INO80E: variants seen among roughly 807,000 people sequenced by gnomAD.
INO80E encodes INO80 complex subunit E.
A neutral mutation model predicts 27.3 loss-of-function variants in INO80E; 20 were observed. The observed-to-expected ratio is 0.73, with a 90% CI of 0.51 to 1.06. INO80E has a LOEUF of 1.06. INO80E is among the 50% of genes least tolerant of loss of function. INO80E has a pLI of 0.00. For synonymous variants in INO80E, 167 were observed against 145.9 expected, an observed-to-expected ratio of 1.14 and a Z score of -1.04; for missense variants, 357 against 322.8, an observed-to-expected ratio of 1.11 and a Z score of -0.81.
rs747629099 is a variant in INO80E at position 30,005,435 on chromosome 16, C to A, written c.728C>A (p.Pro243Gln). The change falls in exon 7 of 7, where the codon CCG becomes CAG. Residue 243 changes from proline to glutamine, a missense_variant. By Grantham distance (76) the Pro-to-Gln change is moderately conservative. Coordinates refer to ENST00000563197, the MANE Select transcript of INO80E (RefSeq NM_173618.3). ...DGDDDLVIDI[P>Q]E is the part of the protein sequence containing the mutation. The stretch of plus-strand genomic sequence containing the variant: ...GACGATGACCTGGTGATCGACATCC[C>A]GGAGTGACCGTGACATCACGCCATG... 2 of 1,597,166 alleles carry A rather than the reference C, an allele frequency of 1.3e-6. No individual in the cohort carries two copies. Among genetic ancestry groups the A allele is most frequent in the East Asian group, 2.3e-5 (1 of 43,544 alleles).
Position 29,996,305 on chromosome 16 carries a change from C to T in INO80E, c.-6C>T. The stretch of plus-strand genomic sequence containing the variant: ...GCAGACTCTGGGCGCCACTCCCGGG[C>T]CGGTCATGAACGGGCCGGCGGACGG... On this transcript the variant is annotated 5_prime_UTR_variant, in exon 1 of 7. Transcript: ENST00000563197. 1 of 1,589,966 alleles carries T rather than the reference C, an allele frequency of 6.3e-7. No individual in the cohort carries two copies. The highest frequency in any genetic ancestry group is 8.6e-7 in the Non-Finnish European group (1 of 1,168,282).
rs1281122236 is a variant in INO80E at position 30,001,054 on chromosome 16, A to G, written c.396+14A>G. 1 of 1,533,488 alleles carries G rather than the reference A, an allele frequency of 6.5e-7. No homozygotes were observed. The allele number at this position is 1,533,488 out of a possible 1,614,324, so 95.0% of individuals were successfully genotyped here. A position where few individuals can be genotyped will look rare whatever the true frequency, so the allele number is the denominator to read the frequency against. On this transcript the variant is annotated intron_variant, in intron 5 of 6. Coordinates refer to ENST00000563197, the MANE Select transcript of INO80E (RefSeq NM_173618.3). Reference sequence around the variant, plus strand: ...TACCTGAGCTCGGTGAGTTGGGGTCAGGGATGGGAAGTGCTTGGGAGTAAG... The same window carrying G: ...TACCTGAGCTCGGTGAGTTGGGGTCGGGGATGGGAAGTGCTTGGGAGTAAG...
chr16:30,001,164 G>T, intron 5 of INO80E, 124 bp downstream of exon 5: 1 of 1,471,818 alleles, frequency 6.8e-7, no homozygotes, highest in Non-Finnish European at 9.0e-7. Flanking sequence ...TGGCCCAAGT[G>T]TCCCGTGGAG....
At position 30,005,631 on chromosome 16, in the gene INO80E, C is replaced by T. The variant is rs2070551663; in HGVS notation, c.*189C>T. ...GGGTGGCAGGGGCCCTGCCTTCAAACCCCGGCCCCCTCCAGGGGACAGTTA... is the reference window on the plus strand; with the variant it reads ...GGGTGGCAGGGGCCCTGCCTTCAAATCCCGGCCCCCTCCAGGGGACAGTTA... On this transcript the variant is annotated 3_prime_UTR_variant, in exon 7 of 7. Transcript: ENST00000563197. 3.2e-6 allele frequency: 2 copies of T among 617,138 alleles called. No homozygotes were observed. The highest frequency in any genetic ancestry group is 2.0e-5 in the South Asian group (1 of 50,412). 38.2% of individuals were successfully genotyped at this position (617,138 alleles called of 1,614,324 possible).
chr16:29,998,286 ATC>A (rs2070212831), intron 3 of INO80E, among the ~76,000 whole-genome samples: 1 of 144,336 alleles, frequency 6.9e-6, no homozygotes. Flanking sequence ...GCCAGACTCC[ATC>A]TCAAAAAAAA....
rs1450626511 is a variant in INO80E, at chr16:30,005,239, G to A, written c.532G>A (p.Asp178Asn). 24 of 1,437,066 alleles carry A rather than the reference G, an allele frequency of 1.7e-5. No individual in the cohort carries two copies. The highest frequency in any genetic ancestry group is 3.1e-5 in the South Asian group (2 of 65,478). 89.0% of individuals were successfully genotyped at this position (1,437,066 alleles called of 1,614,324 possible). Reference sequence around the variant, plus strand: ...GCTGCAGATGGCGGTGGGACCCCCCGACTGCCCTGTGGGAGGGCCGCTGAC... The same window carrying A: ...GCTGCAGATGGCGGTGGGACCCCCCAACTGCCCTGTGGGAGGGCCGCTGAC... ...RKLKMAVGPP[D>N]CPVGGPLTFP... Residue 178 changes from aspartate to asparagine, a missense_variant, in exon 7 of 7, where the codon GAC (aspartate) becomes AAC (asparagine). Coordinates refer to ENST00000563197, the MANE Select transcript of INO80E (RefSeq NM_173618.3).
chr16:30,001,128 C>A, intron 5 of INO80E, 88 bp downstream of exon 5: 1 of 1,479,262 alleles, frequency 6.8e-7, no homozygotes, highest in Non-Finnish European at 9.0e-7. Context: ...AAGGCCAGCC[C>A]AACTTTGGGG....
intron 2 of INO80E, 78 bp downstream of exon 2, chr16:29,996,695 A>G: frequency 3.1e-6 from 5 of 1,587,950 alleles, no homozygotes; most frequent in Non-Finnish European, 4.3e-6. Flanking sequence ...GAGTAGGGCC[A>G]CAAGTGCATG....
Position 30,000,819 on chromosome 16 carries a change from C to G in INO80E, c.267C>G (p.Asp89Glu). ...SETEGTPKLS[D>E]TPAPKRKRSP... ...CGGAGGGGACACCCAAGTTGTCTGA[C>G]ACACCGGCCCCTAAGAGGTGAGAAG... Residue 89 changes from aspartate (D) to glutamate (E), a missense_variant, in exon 4 of 7, where the codon GAC (aspartate) becomes GAG (glutamate). Physicochemically the swap from Asp to Glu is conservative, Grantham distance 45 (BLOSUM62 2). Coordinates refer to ENST00000563197, the MANE Select transcript of INO80E (RefSeq NM_173618.3). 1 of 1,614,166 alleles carries G rather than the reference C, an allele frequency of 6.2e-7. No homozygotes were observed. The highest frequency in any genetic ancestry group is 8.5e-7 in the Non-Finnish European group (1 of 1,179,970).
chr16:29,996,638 G>T (rs1258793583), intron 2 of INO80E, 21 bp downstream of exon 2: 1 of 1,580,844 alleles, frequency 6.3e-7, no homozygotes, highest in Admixed American at 1.9e-5. Context: ...TTGCAGGGGC[G>T]GAGGGCGATG....
chr16:30,000,527 A>G (rs946287527), intron 3 of INO80E, among the ~76,000 whole-genome samples: 3 of 152,018 alleles, frequency 2.0e-5, no homozygotes, highest in African/African-American at 7.2e-5. Flanking sequence ...CCATGCTCGG[A>G]TAATTGTTTT....
At chr16:29,997,518 G>A (rs1330950962) in intron 3 of INO80E, among the ~76,000 whole-genome samples, 1 of 151,958 alleles carries the variant, frequency 6.6e-6, no homozygotes, top group East Asian at 1.9e-4. Context: ...CACTTTGGGA[G>A]GCCGAGGTGG....
At position 29,996,616 on chromosome 16, in the gene INO80E, A is replaced by C. The variant is rs1049447798; in HGVS notation, c.151A>C (p.Ser51Arg). Reference sequence around the variant, plus strand: ...ATTACTGAAGGTGTCCCGGGACAAGAGGTGAGGCACGTTGCAGGGGCGGAG... The same window carrying C: ...ATTACTGAAGGTGTCCCGGGACAAGCGGTGAGGCACGTTGCAGGGGCGGAG... ...RKLLKVSRDKSFLLDRLLQYE... is the reference protein window; with the variant it reads ...RKLLKVSRDKRFLLDRLLQYE... The change falls in exon 2 of 7, where the codon AGT becomes CGT. Residue 51 changes from serine to arginine, a missense_variant and splice_region_variant. Physicochemically the swap from Ser to Arg is moderately radical, Grantham distance 110 (BLOSUM62 -1). Transcript: ENST00000563197. 6.3e-7 allele frequency: 1 copy of C among 1,581,608 alleles called. No homozygotes were observed. Among genetic ancestry groups the C allele is most frequent in the Non-Finnish European group, 8.6e-7 (1 of 1,163,668 alleles).
In INO80E at chr16:29,996,803, C is replaced by T. The variant is rs775494495; in HGVS notation, c.153-5C>T. 8 of 1,613,974 alleles carry T rather than the reference C, an allele frequency of 5.0e-6. No homozygotes were observed. The African/African-American group carries it at 1.1e-4, about 22-fold the overall frequency. On this transcript the variant is annotated splice_polypyrimidine_tract_variant and splice_region_variant and intron_variant, in intron 2 of 6. Coordinates refer to ENST00000563197, the MANE Select transcript of INO80E (RefSeq NM_173618.3). ...CACTGTCCGTGTCTCCTTCCCTCCC[C>T]TCAGTTTCCTCCTAGACCGACTTCT...
At position 29,996,265 on chromosome 16, in the gene INO80E, T is replaced by G; in HGVS notation, c.-46T>G. 6.5e-7 allele frequency: 1 copy of G among 1,538,730 alleles called. No individual in the cohort carries two copies. ...CGGGAGCGGCACGGCAGCCACTGCT[T>G]GGGGTAGCGGGAGGGCAGACTCTGG... is the stretch of plus-strand genomic sequence containing the variant. On this transcript the variant is annotated 5_prime_UTR_variant, in exon 1 of 7. Coordinates refer to ENST00000563197, the MANE Select transcript of INO80E (RefSeq NM_173618.3).
chr16:29,996,657 A>G (rs1481211755), intron 2 of INO80E, 40 bp downstream of exon 2: 2 of 1,582,760 alleles, frequency 1.3e-6, no homozygotes, highest in Admixed American at 1.8e-5. Context: ...TGTGCTTCCT[A>G]GGAAATCTAC....
intron 6 of INO80E, chr16:30,002,163 G>GC (rs1249740465): frequency 6.6e-6 from 1 of 152,468 alleles, no homozygotes; most frequent in Non-Finnish European, 1.5e-5. Context: ...GACACTTAGG[G>GC]CCCAGCAGTC....
chr16:29,998,627 G>T (rs988176953), intron 3 of INO80E, among the ~76,000 whole-genome samples: 3 of 152,028 alleles, frequency 2.0e-5, no homozygotes, highest in Non-Finnish European at 4.4e-5. Context: ...TTGATTTCAT[G>T]ACCCACTAAT....
At chr16:30,001,558 G>T in intron 6 of INO80E, 28 bp downstream of exon 6, 1 of 1,597,750 alleles carries the variant, frequency 6.3e-7, no homozygotes. Context: ...TGCTAGGGAG[G>T]GGCAGGACGG....
Sources: gnomAD v4.1 joint callset for allele counts (sites outside exome capture counted in the v4.1 genomes callset) on GRCh38, gnomAD v4.1.1 for gene constraint, MANE v1.5 for transcripts, NCBI Gene and HGNC (gene_info 2026-07-23, HGNC 2026-07-21) for gene names.